Variants in SLC71A1 observed in about 807,000 individuals in gnomAD.
SLC71A1 encodes the protein solute carrier family 71 member 1.
the SLC71A1 span, chr1:100,043,047 A>G: frequency 2.0e-6 from 2 of 981,454 alleles, no homozygotes; most frequent in Non-Finnish European, 1.2e-6. Context: ...GTTTGGGGAT[A>G]AATTAATATG....
the SLC71A1 span, chr1:100,082,341 G>A: frequency 3.7e-3 from 2,570 of 693,186 alleles, 6 homozygotes; most frequent in Non-Finnish European, 5.3e-3. Context: ...CATGAACTCC[G>A]TGGGAACTAA....
chr1:100,070,440 C>T, the SLC71A1 span, among the ~76,000 whole-genome samples: 14 of 152,176 alleles, frequency 9.2e-5, no homozygotes, highest in South Asian at 4.2e-4. Context: ...CCAGATCGTG[C>T]GGGGCTTACA....
chr1:100,048,574 G>A, the SLC71A1 span, among the ~76,000 whole-genome samples: 1 of 152,158 alleles, frequency 6.6e-6, no homozygotes, highest in African/African-American at 2.4e-5. Context: ...ATTGTCATAT[G>A]TGACACTGTA....
the SLC71A1 span, chr1:100,080,634 C>A: frequency 6.2e-7 from 1 of 1,614,010 alleles, no homozygotes; most frequent in Non-Finnish European, 8.5e-7. Context: ...GGAACAAACA[C>A]AAGCCCTCAG....
the SLC71A1 span, among the ~76,000 whole-genome samples, chr1:100,043,962 A>C: frequency 6.6e-6 from 1 of 152,232 alleles, no homozygotes; most frequent in South Asian, 2.1e-4. Context: ...GTCATTGGGC[A>C]CTTGGGTTGG....
the SLC71A1 span, among the ~76,000 whole-genome samples, chr1:100,051,147 C>G: frequency 6.7e-5 from 10 of 149,822 alleles, no homozygotes; most frequent in Admixed American, 6.0e-4. Context: ...AATCCCAGTA[C>G]TTTGGGAGGC....
chr1:100,058,688 AACAT>A, the SLC71A1 span: 1 of 1,579,904 alleles, frequency 6.3e-7, no homozygotes, highest in Non-Finnish European at 8.7e-7. Flanking sequence ...ACCTTTCCTA[AACAT>A]ACATTTCTGA....
the SLC71A1 span, chr1:100,079,149 C>T: frequency 6.6e-6 from 1 of 152,206 alleles, no homozygotes; most frequent in South Asian, 2.1e-4. Flanking sequence ...TTGTGCTAGA[C>T]ACCTTGTGGG....
chr1:100,043,553 A>C, the SLC71A1 span, among the ~76,000 whole-genome samples: 1 of 152,202 alleles, frequency 6.6e-6, no homozygotes, highest in Non-Finnish European at 1.5e-5. Context: ...GTTTTACTTT[A>C]TTTTTAAAAT....
At chr1:100,054,243 TCA>T in the SLC71A1 span, among the ~76,000 whole-genome samples, 25 of 151,932 alleles carry the variant, frequency 1.6e-4, no homozygotes, top group African/African-American at 6.0e-4. Context: ...AGACAGAGTT[TCA>T]CTCTGTCGTC....
At chr1:100,054,065 G>A in the SLC71A1 span, among the ~76,000 whole-genome samples, 4 of 146,178 alleles carry the variant, frequency 2.7e-5, no homozygotes, top group South Asian at 2.2e-4. Context: ...TCATTGAGAC[G>A]GAGTCTTAAT....
At chr1:100,061,434 A>G in the SLC71A1 span, among the ~76,000 whole-genome samples, 1 of 152,170 alleles carries the variant, frequency 6.6e-6, no homozygotes, top group African/African-American at 2.4e-5. Context: ...ATATGAAGAA[A>G]CTTGTTCCTC....
chr1:100,073,269 C>T, the SLC71A1 span, among the ~76,000 whole-genome samples: 1 of 152,216 alleles, frequency 6.6e-6, no homozygotes, highest in East Asian at 1.9e-4. Flanking sequence ...CATCTTGCCT[C>T]ACTATAGTTC....
the SLC71A1 span, chr1:100,058,037 A>G: frequency 6.6e-6 from 1 of 152,228 alleles, no homozygotes; most frequent in Non-Finnish European, 1.5e-5. Flanking sequence ...GTTGCCTGGA[A>G]TTGCCTTTTC....
the SLC71A1 span, among the ~76,000 whole-genome samples, chr1:100,054,208 AT>A: frequency 1.6e-4 from 24 of 146,004 alleles, no homozygotes; most frequent in Admixed American, 1.4e-4. Context: ...CGCCCAGCTA[AT>A]TTTTTTTTTT....
the SLC71A1 span, among the ~76,000 whole-genome samples, chr1:100,067,083 C>T: frequency 6.6e-6 from 1 of 151,978 alleles, no homozygotes; most frequent in Non-Finnish European, 1.5e-5. Flanking sequence ...CGCAGTCCTC[C>T]CACCTTGGCC....
At chr1:100,038,197 G>C in the SLC71A1 span, 11 of 1,535,686 alleles carry the variant, frequency 7.2e-6, no homozygotes, top group African/African-American at 6.9e-5. Flanking sequence ...CGCCCCGGGA[G>C]TGGCTGCAGC....
At chr1:100,064,248 TCTG>T in the SLC71A1 span, among the ~76,000 whole-genome samples, 1 of 152,074 alleles carries the variant, frequency 6.6e-6, no homozygotes, top group African/African-American at 2.4e-5. Flanking sequence ...TTCAAACGAT[TCTG>T]CTGCCTCAGC....
chr1:100,043,118 C>A, the SLC71A1 span: 2 of 984,464 alleles, frequency 2.0e-6, no homozygotes, highest in South Asian at 9.4e-5. Context: ...AGAAGACTTG[C>A]ATACCAACAT....
Sources: allele counts gnomAD v4.1 joint callset (sites outside exome capture counted in the v4.1 genomes callset), GRCh38; gene constraint gnomAD v4.1.1; transcripts MANE v1.5; gene names NCBI Gene and HGNC (gene_info 2026-07-23, HGNC 2026-07-21).